ZNF536: variants seen among roughly 807,000 people sequenced by gnomAD.
ZNF536 encodes zinc finger protein 536.
In ZNF536, 13 loss-of-function variants were observed where a neutral mutation model predicts 84.5. The observed-to-expected ratio is 0.15, with a 90% CI of 0.10 to 0.24. The LOEUF (loss-of-function observed/expected upper bound fraction) is 0.24. Ranked by LOEUF, ZNF536 falls within the 10% of genes least tolerant of loss-of-function variation. The pLI is 1.00. For missense variants in ZNF536, 1,536 were observed against 1,747.5 expected, an observed-to-expected ratio of 0.88 and a Z score of 2.16; for synonymous variants, 811 against 742.5, an observed-to-expected ratio of 1.09 and a Z score of -1.50.
At chr19:30,558,727 G>T (rs1328021711), downstream of ZNF536, among the ~76,000 whole-genome samples, 1 of 152,100 alleles carries the variant, frequency 6.6e-6, no homozygotes, top group Non-Finnish European at 1.5e-5. Context: ...GGACTTGAGG[G>T]TCCTGCCATT....
Position 30,445,819 on chromosome 19 carries a change from T to C in ZNF536, c.2170+87T>C. ...GTTCTGCTCCCAGGCCTCCAGTCAG[T>C]TCCAAGGCCAGTGGGTCTTGATTGA... On this transcript the variant is annotated intron_variant, in intron 2 of 4. Transcript: ENST00000355537. The surrounding 1 kb of genome is among the most constrained non-coding windows in gnomAD (Gnocchi z 4.5). The C allele has an allele frequency of 1.3e-6, 2 of 1,483,454 alleles. No homozygotes were observed. The allele number at this position is 1,483,454 out of a possible 1,614,324, so 91.9% of individuals were successfully genotyped here. A position where few individuals can be genotyped will look rare whatever the true frequency, so the allele number is the denominator to read the frequency against.
intron 1 of ZNF536, among the ~76,000 whole-genome samples, chr19:30,586,302 G>A (rs1441278394): frequency 6.6e-6 from 1 of 152,238 alleles, no homozygotes; most frequent in Non-Finnish European, 1.5e-5. Context: ...GGCAAAAAGG[G>A]GAGTGGAAAT....
At chr19:30,283,246 T>C (rs916994913) in intron 1 of ZNF536, among the ~76,000 whole-genome samples, 1 of 152,220 alleles carries the variant, frequency 6.6e-6, no homozygotes, top group Non-Finnish European at 1.5e-5. Flanking sequence ...TTCCGTGACA[T>C]GGCAAAACAA....
intron 1 of ZNF536, among the ~76,000 whole-genome samples, chr19:30,576,341 C>T (rs571986027): frequency 2.0e-5 from 3 of 152,266 alleles, no homozygotes; most frequent in Middle Eastern, 3.4e-3. Flanking sequence ...CTGCGTCTCC[C>T]GCTCTGTCTC....
At chr19:30,264,966 T>TGTGTGTGTGTGTGTGTGAGAGAGAGA (rs59889852) in intron 1 of ZNF536, among the ~76,000 whole-genome samples, 4 of 133,858 alleles carry the variant, frequency 3.0e-5, no homozygotes, top group African/African-American at 1.2e-4. Flanking sequence ...TGTGTGTGTG[T>TGTGTGTGTGTGTGTGTGAGAGAGAGA]GAGAGAGAGA....
chr19:30,367,279 T>C (rs935798501), intron 3 of ZNF536, among the ~76,000 whole-genome samples: 3 of 152,200 alleles, frequency 2.0e-5, no homozygotes, highest in Admixed American at 1.3e-4. Flanking sequence ...ACCGCTGACA[T>C]GCTAATATTT....
chr19:30,426,253 T>C (rs1478649159), intron 1 of ZNF536, among the ~76,000 whole-genome samples: 1 of 152,240 alleles, frequency 6.6e-6, no homozygotes, highest in Non-Finnish European at 1.5e-5. Context: ...TATGAGTAAT[T>C]AGCCACTTCT....
intron 1 of ZNF536, among the ~76,000 whole-genome samples, chr19:30,663,475 C>A (rs955811855): frequency 6.6e-6 from 1 of 152,166 alleles, no homozygotes; most frequent in Non-Finnish European, 1.5e-5. Flanking sequence ...TTATACGACG[C>A]CTTCCAAATA....
At chr19:30,501,001 G>A (rs1018851251) in intron 2 of ZNF536, among the ~76,000 whole-genome samples, 2 of 152,168 alleles carry the variant, frequency 1.3e-5, no homozygotes, top group African/African-American at 4.8e-5. Context: ...CAGGATTGGA[G>A]CGAGAAGGTT....
chr19:30,502,086 C>T (rs1047241897), intron 2 of ZNF536, among the ~76,000 whole-genome samples: 6 of 152,164 alleles, frequency 3.9e-5, no homozygotes, highest in African/African-American at 1.4e-4. Context: ...AGCCCATGGA[C>T]GAAGTTGACA....
At chr19:30,655,126 C>G (rs899925106) in intron 1 of ZNF536, among the ~76,000 whole-genome samples, 1 of 152,168 alleles carries the variant, frequency 6.6e-6, no homozygotes, top group Non-Finnish European at 1.5e-5. Context: ...ATTGACAGCT[C>G]TCAGCATTTG....
chr19:30,549,578 T>A, intron 4 of ZNF536, 64 bp downstream of exon 4: 1 of 1,416,598 alleles, frequency 7.1e-7, no homozygotes, highest in Non-Finnish European at 9.2e-7. Flanking sequence ...ATTGTGCATT[T>A]AAAAAAATGA....
At chr19:30,635,558 T>A (rs2049036586) in intron 1 of ZNF536, among the ~76,000 whole-genome samples, 1 of 152,172 alleles carries the variant, frequency 6.6e-6, no homozygotes, top group African/African-American at 2.4e-5. Flanking sequence ...GAGCAAGGGC[T>A]GCCTGCAAGG....
At chr19:30,316,499 C>T (rs531226318) in intron 2 of ZNF536, among the ~76,000 whole-genome samples, 2 of 152,144 alleles carry the variant, frequency 1.3e-5, no homozygotes, top group Admixed American at 1.3e-4. Context: ...TTGGACATTA[C>T]CCCTTTGTTA....
At chr19:30,436,299 C>T (rs1231720581) in intron 1 of ZNF536, among the ~76,000 whole-genome samples, 1 of 152,240 alleles carries the variant, frequency 6.6e-6, no homozygotes, top group Non-Finnish European at 1.5e-5. Context: ...CTGGCCCCAT[C>T]TCATGGCACT....
At chr19:30,687,802 A>G (rs2051248150) in intron 1 of ZNF536, among the ~76,000 whole-genome samples, 1 of 152,124 alleles carries the variant, frequency 6.6e-6, no homozygotes, top group Non-Finnish European at 1.5e-5. Context: ...TCTATTTTAT[A>G]GAATATGCCT....
chr19:30,383,737 TTCTTTC>T (rs781179583), intron 1 of ZNF536, among the ~76,000 whole-genome samples: 8,393 of 21,874 alleles, frequency 0.38, 953 homozygotes, highest in Non-Finnish European at 0.45. Flanking sequence ...CTTTCTTTCT[TTCTTTC>T]TCTTTCTTTC....
intron 1 of ZNF536, among the ~76,000 whole-genome samples, chr19:30,699,422 T>C (rs989621922): frequency 6.6e-6 from 1 of 151,938 alleles, no homozygotes; most frequent in African/African-American, 2.4e-5. Context: ...ATAAGTACAT[T>C]TTTTTTTGGG....
chr19:30,479,814 C>A (rs1599522147), intron 2 of ZNF536, among the ~76,000 whole-genome samples: 1 of 152,228 alleles, frequency 6.6e-6, no homozygotes. Context: ...GGCTGGTTAA[C>A]CAGCCACTGA....
Sources: allele counts gnomAD v4.1 joint callset (sites outside exome capture counted in the v4.1 genomes callset), GRCh38; gene constraint gnomAD v4.1.1; non-coding constraint Gnocchi (gnomAD v3.1); transcripts MANE v1.5; gene names NCBI Gene and HGNC (gene_info 2026-07-23, HGNC 2026-07-21).